The following TENM3 variants were observed in gnomAD, a reference collection of about 807,000 sequenced individuals.
TENM3 encodes the protein teneurin transmembrane protein 3.
TENM3 carries 63 observed loss-of-function variants against 255.1 expected under a neutral mutation model. The observed-to-expected ratio is 0.25, with a 90% CI of 0.20 to 0.30. TENM3 has a LOEUF of 0.30. Ranked by LOEUF, TENM3 falls within the 10% of genes least tolerant of loss-of-function variation. TENM3 has a pLI of 1.00. For missense variants in TENM3, 2,929 were observed against 3,461.1 expected, an observed-to-expected ratio of 0.85 and a Z score of 3.86; for synonymous variants, 1,306 against 1,322.3, an observed-to-expected ratio of 0.99 and a Z score of 0.27.
At chr4:182,065,429 A>T in the TENM3 span, among the ~76,000 whole-genome samples, 1 of 152,248 alleles carries the variant, frequency 6.6e-6, no homozygotes, top group Admixed American at 6.5e-5. Flanking sequence ...GGAAACTCAC[A>T]GTCACGGCAG....
the TENM3 span, among the ~76,000 whole-genome samples, chr4:181,778,659 C>T: frequency 6.6e-6 from 1 of 152,088 alleles, no homozygotes; most frequent in Non-Finnish European, 1.5e-5. Context: ...CTCAGACATT[C>T]TTAGCAAGGG....
intron 3 of TENM3, among the ~76,000 whole-genome samples, chr4:182,532,904 T>C (rs1164339630): frequency 1.3e-5 from 2 of 152,236 alleles, no homozygotes; most frequent in Non-Finnish European, 2.9e-5. Flanking sequence ...ATTTAAAGTA[T>C]CGGTACTCAC....
chr4:182,004,791 A>G, the TENM3 span, among the ~76,000 whole-genome samples: 3 of 152,108 alleles, frequency 2.0e-5, no homozygotes, highest in African/African-American at 7.2e-5. Context: ...ATGGTATCTC[A>G]TTGTGGTTTT....
chr4:182,168,620 A>G (rs1751880241), intron 1 of TENM3, among the ~76,000 whole-genome samples: 1 of 152,338 alleles, frequency 6.6e-6, no homozygotes, highest in South Asian at 2.1e-4. Flanking sequence ...AGCATCTCTA[A>G]AAGTCTCTGT....
At chr4:182,212,816 G>T (rs1386883606) in intron 1 of TENM3, among the ~76,000 whole-genome samples, 2 of 152,198 alleles carry the variant, frequency 1.3e-5, no homozygotes, top group Non-Finnish European at 2.9e-5. Context: ...AAAGATCACT[G>T]GTCCCAAATG....
At chr4:182,384,803 T>G (rs139207036) in intron 3 of TENM3, among the ~76,000 whole-genome samples, 20 of 152,200 alleles carry the variant, frequency 1.3e-4, no homozygotes, top group Admixed American at 3.3e-4. Context: ...TTTGTCCCCC[T>G]TTATTCCCTC....
At chr4:182,766,746 A>G (rs1763751862) in intron 22 of TENM3, among the ~76,000 whole-genome samples, 1 of 152,076 alleles carries the variant, frequency 6.6e-6, no homozygotes, top group East Asian at 1.9e-4. Flanking sequence ...GTTTGAAAAA[A>G]AAAAGAATAG....
At chr4:182,510,358 T>C (rs1737268083) in intron 3 of TENM3, among the ~76,000 whole-genome samples, 1 of 152,198 alleles carries the variant, frequency 6.6e-6, no homozygotes, top group Non-Finnish European at 1.5e-5. Context: ...TTTTCTCTAC[T>C]CTGAAGACAA....
intron 1 of TENM3, among the ~76,000 whole-genome samples, chr4:182,262,758 G>T (rs1208725091): frequency 9.8e-5 from 14 of 142,554 alleles, no homozygotes; most frequent in African/African-American, 3.7e-4. Flanking sequence ...ATCTCGCCCA[G>T]GCTGGAATGC....
the TENM3 span, among the ~76,000 whole-genome samples, chr4:182,005,450 C>A: frequency 6.6e-6 from 1 of 152,170 alleles, no homozygotes; most frequent in African/African-American, 2.4e-5. Context: ...GTACCAGTAC[C>A]ATACTGTTTT....
chr4:181,952,467 T>G, the TENM3 span, among the ~76,000 whole-genome samples: 1 of 152,190 alleles, frequency 6.6e-6, no homozygotes, highest in African/African-American at 2.4e-5. Context: ...GCAATCAAAT[T>G]ATGTTCTCAT....
At chr4:181,939,642 A>G in the TENM3 span, among the ~76,000 whole-genome samples, 7 of 152,186 alleles carry the variant, frequency 4.6e-5, no homozygotes, top group African/African-American at 1.7e-4. Context: ...AAAAGCTCCA[A>G]TCATCTCAGC....
At chr4:182,007,979 T>C in the TENM3 span, among the ~76,000 whole-genome samples, 2 of 152,330 alleles carry the variant, frequency 1.3e-5, no homozygotes, top group East Asian at 3.9e-4. Context: ...CCTTTGCTTA[T>C]GAAGCTTAGT....
At chr4:181,795,727 A>T in the TENM3 span, among the ~76,000 whole-genome samples, 1 of 152,266 alleles carries the variant, frequency 6.6e-6, no homozygotes, top group Admixed American at 6.5e-5. Context: ...ATAGCATGGC[A>T]CATGGGAAAG....
the TENM3 span, among the ~76,000 whole-genome samples, chr4:181,787,742 T>C: frequency 2.0e-5 from 3 of 152,122 alleles, no homozygotes; most frequent in African/African-American, 7.2e-5. Flanking sequence ...ACCTATTACC[T>C]ATAAACCCTG....
At chr4:181,667,067 A>G in the TENM3 span, among the ~76,000 whole-genome samples, 23,265 of 152,196 alleles carry the variant, frequency 0.15, 2,200 homozygotes, top group East Asian at 0.23. Flanking sequence ...ACATTCTTAC[A>G]CATGCATTTT....
At chr4:182,715,826 C>T (rs6552598) in intron 13 of TENM3, among the ~76,000 whole-genome samples, 152,063 of 152,328 alleles carry the variant, frequency 1, 75,899 homozygotes, top group Non-Finnish European at 1. Flanking sequence ...GCAAATGTTA[C>T]TTGTGTCTTA....
the TENM3 span, among the ~76,000 whole-genome samples, chr4:181,558,382 G>A: frequency 6.6e-6 from 1 of 152,200 alleles, no homozygotes; most frequent in Non-Finnish European, 1.5e-5. Context: ...CACTATTGAT[G>A]TGATTCCTGA....
At chr4:182,302,052 C>T (rs968593312) in intron 1 of TENM3, among the ~76,000 whole-genome samples, 1 of 152,170 alleles carries the variant, frequency 6.6e-6, no homozygotes, top group South Asian at 2.1e-4. Context: ...TTTTATCAAC[C>T]CTGCTAGCCA....
Sources: gnomAD v4.1 joint callset for allele counts (sites outside exome capture counted in the v4.1 genomes callset) on GRCh38, gnomAD v4.1.1 for gene constraint, MANE v1.5 for transcripts, NCBI Gene and HGNC (gene_info 2026-07-23, HGNC 2026-07-21) for gene names.